Variants in INVS observed in about 807,000 individuals in gnomAD.
INVS encodes the protein inversion of embryo turning homolog.
INVS carries 86 observed loss-of-function variants against 108.8 expected under a neutral mutation model. The observed-to-expected ratio is 0.79, with a 90% CI of 0.66 to 0.95. The LOEUF is 0.95. INVS is among the 40% of genes least tolerant of loss of function. The probability of loss-of-function intolerance (pLI) is 0.00; values close to 1 mark genes in which losing one functional copy is unlikely to be tolerated. For synonymous variants in INVS, 455 were observed against 473.5 expected, an observed-to-expected ratio of 0.96 and a Z score of 0.51; for missense variants, 1,169 against 1,297.4, an observed-to-expected ratio of 0.90 and a Z score of 1.52.
chr9:100,264,950 T>A, intron 11 of INVS, 22 bp downstream of exon 11: 1 of 1,554,986 alleles, frequency 6.4e-7, no homozygotes, highest in Non-Finnish European at 8.9e-7. Flanking sequence ...TTGACTTTTT[T>A]TTTTTTTTTT....
chr9:100,260,032 C>T (rs1200898610), intron 10 of INVS, among the ~76,000 whole-genome samples: 1 of 143,752 alleles, frequency 7.0e-6, no homozygotes, highest in Non-Finnish European at 1.5e-5. Flanking sequence ...CCACCATGCC[C>T]AGCTAATTGT....
chr9:100,106,957 A>G (rs1827200559), intron 2 of INVS, among the ~76,000 whole-genome samples: 1 of 152,004 alleles, frequency 6.6e-6, no homozygotes, highest in Non-Finnish European at 1.5e-5. Context: ...GAAAAGAAGA[A>G]TGAAAGAATG....
At chr9:100,253,220 G>C (rs1390981289) in intron 10 of INVS, 84 bp downstream of exon 10, 2 of 1,054,100 alleles carry the variant, frequency 1.9e-6, no homozygotes, top group African/African-American at 3.1e-5. Context: ...TAAAACAACA[G>C]TTTACAAGAT....
chr9:100,285,909 G>A (rs753982728), intron 13 of INVS, among the ~76,000 whole-genome samples: 7 of 152,176 alleles, frequency 4.6e-5, no homozygotes, highest in Admixed American at 6.5e-5. Flanking sequence ...GTTAGAGAAC[G>A]GTAGGAGCTT....
chr9:100,139,242 C>T (rs975259632), intron 3 of INVS, among the ~76,000 whole-genome samples: 4 of 152,150 alleles, frequency 2.6e-5, no homozygotes, highest in African/African-American at 7.2e-5. Flanking sequence ...ATATTGACCA[C>T]TTGTTCATTT....
chr9:100,264,605 C>T (rs1159033647), intron 10 of INVS, among the ~76,000 whole-genome samples: 5 of 137,084 alleles, frequency 3.6e-5, no homozygotes, highest in South Asian at 4.5e-4. Flanking sequence ...GCGACGAGAG[C>T]GAAACTCCGT....
chr9:100,164,819 T>A (rs1449314163), intron 3 of INVS, among the ~76,000 whole-genome samples: 1 of 152,072 alleles, frequency 6.6e-6, no homozygotes, highest in Non-Finnish European at 1.5e-5. Flanking sequence ...AGCTATATAT[T>A]GTGATTGGCT....
At chr9:100,162,007 A>T (rs1430962642) in intron 3 of INVS, among the ~76,000 whole-genome samples, 1 of 152,210 alleles carries the variant, frequency 6.6e-6, no homozygotes. Flanking sequence ...GGAGCATCTC[A>T]CACAGAAGAT....
intron 3 of INVS, among the ~76,000 whole-genome samples, chr9:100,213,724 T>A (rs1261597288): frequency 6.6e-6 from 1 of 152,022 alleles, no homozygotes; most frequent in Admixed American, 6.6e-5. Flanking sequence ...AGAGAACATG[T>A]GGAAGTTGCA....
chr9:100,161,520 A>C (rs559638742), intron 3 of INVS, among the ~76,000 whole-genome samples: 2 of 152,230 alleles, frequency 1.3e-5, no homozygotes, highest in South Asian at 4.1e-4. Flanking sequence ...AAATTGAGGA[A>C]ATTTGGGTGT....
rs267607185 is a variant in INVS, at chr9:100,292,976, C to A, written c.2719C>A (p.Arg907=). 247 of 1,613,542 alleles carry A rather than the reference C, an allele frequency of 1.5e-4. 9 individuals carry two copies. In the South Asian group the frequency reaches 2.7e-3, roughly 17 times the overall value. The change falls in exon 14 of 17, where the codon CGA becomes AGA. Residue 907 remains arginine, a synonymous_variant. Transcript: ENST00000262457. ...CCGACTGCAGATAATTCAGAGAGAACGAAGGAGGAAGGAGCTGTTTCGCAA... is the reference window on the plus strand; with the variant it reads ...CCGACTGCAGATAATTCAGAGAGAAAGAAGGAGGAAGGAGCTGTTTCGCAA... ...ELRLQIIQRE[R]RRKELFRKKN...
intron 11 of INVS, among the ~76,000 whole-genome samples, chr9:100,269,279 A>AGCT (rs1832879253): frequency 6.6e-6 from 1 of 152,334 alleles, no homozygotes; most frequent in South Asian, 2.1e-4. Flanking sequence ...AATTCAATTT[A>AGCT]GCTCTACTAT....
rs946054 is a variant in INVS, at chr9:100,281,733, A to G, written c.1785-2587A>G. Among the ~76,000 whole-genome samples, 17 of 148,798 alleles carry G rather than the reference A, an allele frequency of 1.1e-4. No homozygotes were observed. The East Asian group carries it at 3.1e-3, about 27-fold the overall frequency. On this transcript the variant is annotated intron_variant, in intron 12 of 16. Coordinates refer to ENST00000262457, the MANE Select transcript of INVS (RefSeq NM_014425.5). ...CGTAGTTCTACCAAAATGAAAAATC[A>G]CCCCCCTGGTATCCCCCCTCCAAAG... is the stretch of plus-strand genomic sequence containing the variant.
intron 10 of INVS, among the ~76,000 whole-genome samples, chr9:100,254,893 A>C (rs181159149): frequency 6.6e-6 from 1 of 152,222 alleles, no homozygotes; most frequent in Non-Finnish European, 1.5e-5. Flanking sequence ...TTGTCTTGGC[A>C]ATGCGGGCTC....
At chr9:100,196,866 A>T (rs1165813707) in intron 3 of INVS, among the ~76,000 whole-genome samples, 1 of 151,962 alleles carries the variant, frequency 6.6e-6, no homozygotes, top group Non-Finnish European at 1.5e-5. Context: ...CTGAGGGGAG[A>T]AAACACACTT....
chr9:100,153,097 G>A (rs1588043442), intron 3 of INVS, among the ~76,000 whole-genome samples: 1 of 151,526 alleles, frequency 6.6e-6, no homozygotes, highest in African/African-American at 2.4e-5. Flanking sequence ...TACACATATT[G>A]TAAAATGTTA....
chr9:100,130,267 T>C (rs1828016219), intron 3 of INVS: 1 of 152,176 alleles, frequency 6.6e-6, no homozygotes, highest in African/African-American at 2.4e-5. Flanking sequence ...TTTCTGTTTT[T>C]TTAAATGAGG....
chr9:100,176,003 A>G (rs754193525), intron 3 of INVS: 20 of 545,202 alleles, frequency 3.7e-5, no homozygotes, highest in Non-Finnish European at 6.4e-5. Flanking sequence ...TACTCCACAA[A>G]CCATAGATTT....
At chr9:100,152,066 T>C (rs918649743) in intron 3 of INVS, among the ~76,000 whole-genome samples, 3 of 152,208 alleles carry the variant, frequency 2.0e-5, no homozygotes, top group African/African-American at 7.2e-5. Context: ...TTCCCAGACA[T>C]ACTTAGGTAA....
Sources: gnomAD v4.1 joint callset for allele counts (sites outside exome capture counted in the v4.1 genomes callset) on GRCh38, gnomAD v4.1.1 for gene constraint, MANE v1.5 for transcripts, NCBI Gene and HGNC (gene_info 2026-07-23, HGNC 2026-07-21) for gene names.